The following POU2F2 variants were observed in gnomAD, a reference collection of about 807,000 sequenced individuals.
POU2F2 encodes the protein POU class 2 homeobox 2, also known as POU domain, class 2, transcription factor 2.
In POU2F2, 14 loss-of-function variants were observed where a neutral mutation model predicts 63.5. That is an observed-to-expected ratio of 0.22 (90% CI 0.15 to 0.34). POU2F2 has a LOEUF of 0.34. Ranked by LOEUF, POU2F2 falls within the 10% of genes least tolerant of loss-of-function variation. The probability of loss-of-function intolerance (pLI) is 1.00; values close to 1 mark genes in which losing one functional copy is unlikely to be tolerated. For synonymous variants in POU2F2, 306 were observed against 348.6 expected (o/e 0.88, Z 1.36); for missense variants, 607 against 815.2 (o/e 0.74, Z 3.11).
intron 1 of POU2F2, among the ~76,000 whole-genome samples, chr19:42,185,864 A>G (rs1185058225): frequency 6.6e-6 from 1 of 152,208 alleles, no homozygotes; most frequent in East Asian, 1.9e-4. Flanking sequence ...ATAGTGTGCT[A>G]GGACACAAAA....
At chr19:42,108,086 A>C (rs2030422555) in intron 5 of POU2F2, among the ~76,000 whole-genome samples, 1 of 152,134 alleles carries the variant, frequency 6.6e-6, no homozygotes, top group Non-Finnish European at 1.5e-5. Context: ...ACTCTTATGA[A>C]GTCTTCTTTT....
At chr19:42,139,388 G>A (rs2034083362) in intron 2 of POU2F2, among the ~76,000 whole-genome samples, 1 of 152,160 alleles carries the variant, frequency 6.6e-6, no homozygotes, top group African/African-American at 2.4e-5. Context: ...TAGTGACCTA[G>A]GGCCAGCCCC....
chr19:42,121,968 G>T, intron 4 of POU2F2, 158 bp downstream of exon 4: 1 of 755,836 alleles, frequency 1.3e-6, no homozygotes, highest in Non-Finnish European at 2.2e-6. Flanking sequence ...TGAGTCACAG[G>T]CCTGGGGTGG....
chr19:42,183,986 C>T (rs1397315330), intron 1 of POU2F2, among the ~76,000 whole-genome samples: 1 of 150,328 alleles, frequency 6.7e-6, no homozygotes, highest in African/African-American at 2.4e-5. Flanking sequence ...CTATGAGACA[C>T]GACTGGGGAT....
upstream of POU2F2, among the ~76,000 whole-genome samples, chr19:42,197,095 C>T (rs2035158390): frequency 1.3e-5 from 2 of 152,178 alleles, no homozygotes; most frequent in Non-Finnish European, 2.9e-5. Context: ...GGAGCCCAAA[C>T]ACAGGTAACC....
At chr19:42,187,980 T>A (rs1358399717) in intron 1 of POU2F2, among the ~76,000 whole-genome samples, 7 of 151,948 alleles carry the variant, frequency 4.6e-5, no homozygotes, top group Admixed American at 2.6e-4. Flanking sequence ...TTGACTTTTT[T>A]AAATCATTCT....
chr19:42,122,497 C>T lies in POU2F2; in HGVS notation c.94+14G>A, dbSNP rs1045210948. The T allele has an allele frequency of 3.7e-6, 6 of 1,610,990 alleles. No individual in the cohort carries two copies. Among genetic ancestry groups the T allele is most frequent in the Non-Finnish European group, 5.1e-6 (6 of 1,178,166 alleles). ...CCACGGTGACCCCTGCCCCCCTGCTCCCTGCCCACCCACCTGTGTGCTCTG... is the reference window on the plus strand; with the variant it reads ...CCACGGTGACCCCTGCCCCCCTGCTTCCTGCCCACCCACCTGTGTGCTCTG... On this transcript the variant is annotated intron_variant, in intron 2 of 14. Transcript: ENST00000692977.
chr19:42,141,978 T>C (rs924131171), intron 2 of POU2F2, among the ~76,000 whole-genome samples: 13 of 152,318 alleles, frequency 8.5e-5, no homozygotes, highest in African/African-American at 2.4e-4. Flanking sequence ...GACTGATCTA[T>C]GGATTGCGGA....
At chr19:42,187,474 A>AAC (rs2035025155) in intron 1 of POU2F2, among the ~76,000 whole-genome samples, 1 of 150,252 alleles carries the variant, frequency 6.7e-6, no homozygotes, top group Non-Finnish European at 1.5e-5. Context: ...AAAAAAAAAA[A>AAC]AAACAGGCCA....
At chr19:42,140,021 GT>G (rs1187367020) in intron 2 of POU2F2, among the ~76,000 whole-genome samples, 2 of 152,228 alleles carry the variant, frequency 1.3e-5, no homozygotes, top group Non-Finnish European at 2.9e-5. Flanking sequence ...TGCTTCAGCT[GT>G]TTTGTTGAGC....
intron 1 of POU2F2, among the ~76,000 whole-genome samples, chr19:42,168,993 G>A (rs552453374): frequency 6.6e-6 from 1 of 152,310 alleles, no homozygotes; most frequent in East Asian, 1.9e-4. Flanking sequence ...GGAGCTCTTA[G>A]AGAGCAAGGC....
rs1165970366 is a variant in POU2F2, at chr19:42,087,184, T to C, written c.*4073A>G. The C allele has an allele frequency of 6.6e-6, 1 of 151,978 alleles. No individual in the cohort carries two copies. The highest frequency in any genetic ancestry group is 1.9e-4 in the East Asian group (1 of 5,196). The allele number at this position is 151,978 out of a possible 1,614,324, so 9.4% of individuals were successfully genotyped here. A position where few individuals can be genotyped will look rare whatever the true frequency, so the allele number is the denominator to read the frequency against. The stretch of plus-strand genomic sequence containing the variant: ...GTTAAATCTTTGGTTTGTTTCTTTT[T>C]TCTCTTGGAGGCCTTTATCTCTCGC... On this transcript the variant is annotated 3_prime_UTR_variant, in exon 15 of 15. Coordinates refer to ENST00000692977, the MANE Select transcript of POU2F2 (RefSeq NM_001394376.1).
intron 2 of POU2F2, among the ~76,000 whole-genome samples, chr19:42,154,779 C>T (rs1422689631): frequency 6.6e-6 from 1 of 152,106 alleles, no homozygotes; most frequent in Non-Finnish European, 1.5e-5. Flanking sequence ...CACACACACA[C>T]ACACCTTTCT....
intron 2 of POU2F2, among the ~76,000 whole-genome samples, chr19:42,148,922 T>C (rs2146767595): frequency 6.6e-6 from 1 of 152,212 alleles, no homozygotes. Context: ...CCTTAAAGCA[T>C]GACCCTGGTT....
rs141524912 is a variant in POU2F2 at position 42,194,983 on chromosome 19, AAG to A, written c.-70+1398_-70+1399del. ...ATGAAGGAGGGGGGAGGGAGGGAGA[AAG>A]AGAGGGAGGGAGGAAGGGAGGGAGA... On this transcript the variant is annotated intron_variant, in intron 1 of 5. Transcript: ENST00000532176. 6.5e-3 allele frequency among the ~76,000 whole-genome samples: 641 copies of A among 98,576 alleles called. 18 individuals are homozygous for A. The highest frequency in any genetic ancestry group is 0.026 in the African/African-American group (592 of 22,780). The allele number at this position is 98,576 out of a possible 152,430, so 64.7% of individuals were successfully genotyped here.
In POU2F2 at chr19:42,193,258, G is replaced by A. The variant is rs200931024; in HGVS notation, c.-70+3125C>T. 5.9e-5 allele frequency among the ~76,000 whole-genome samples: 9 copies of A among 151,608 alleles called. No individual in the cohort carries two copies. The East Asian group carries it at 1.4e-3, about 23-fold the overall frequency. ...AAAAGAGGAAAGAAAAATTTCCTGC[G>A]AAAGATGTCCAGACTGAAGCTCTGG... On this transcript the variant is annotated intron_variant, in intron 1 of 5. Transcript: ENST00000532176.
At chr19:42,125,814 C>G (rs1393745487) in intron 1 of POU2F2, among the ~76,000 whole-genome samples, 1 of 152,214 alleles carries the variant, frequency 6.6e-6, no homozygotes, top group Non-Finnish European at 1.5e-5. Context: ...TCTCTTGCAG[C>G]TCATGCACAG....
At chr19:42,168,062 C>T (rs1316909088) in intron 1 of POU2F2, among the ~76,000 whole-genome samples, 1 of 152,180 alleles carries the variant, frequency 6.6e-6, no homozygotes, top group African/African-American at 2.4e-5. Flanking sequence ...CCTAGCAAAT[C>T]TCCATTTGGG....
intron 5 of POU2F2, among the ~76,000 whole-genome samples, chr19:42,104,856 A>G (rs1034522171): frequency 6.6e-6 from 1 of 152,104 alleles, no homozygotes; most frequent in Non-Finnish European, 1.5e-5. Flanking sequence ...ACAGCTGAAC[A>G]CTATTCCCTG....
Sources: allele counts gnomAD v4.1 joint callset (sites outside exome capture counted in the v4.1 genomes callset), GRCh38; gene constraint gnomAD v4.1.1; transcripts MANE v1.5; gene names NCBI Gene and HGNC (gene_info 2026-07-23, HGNC 2026-07-21).